MARCHF1: variants seen among roughly 807,000 people sequenced by gnomAD.
The protein encoded by MARCHF1 is E3 ubiquitin-protein ligase MARCHF1.
MARCHF1 carries 40 observed loss-of-function variants against 54.2 expected under a neutral mutation model. The ratio of observed to expected loss-of-function variants is 0.74; its 90% CI spans 0.57 to 0.96. MARCHF1 has a LOEUF of 0.96. MARCHF1 is among the 40% of genes least tolerant of loss of function. The probability of loss-of-function intolerance (pLI) is 0.00; values close to 1 mark genes in which losing one functional copy is unlikely to be tolerated. For synonymous variants in MARCHF1, 236 were observed against 236.3 expected, an observed-to-expected ratio of 1.00 and a Z score of 0.01; for missense variants, 586 against 656.5, an observed-to-expected ratio of 0.89 and a Z score of 1.17.
At chr4:164,257,410 G>A (rs951115104) in intron 1 of MARCHF1, among the ~76,000 whole-genome samples, 5 of 151,692 alleles carry the variant, frequency 3.3e-5, no homozygotes, top group African/African-American at 9.7e-5. Flanking sequence ...TATATTGGAG[G>A]CCAAACCATA....
At chr4:164,243,441 C>A (rs1266502969) in intron 1 of MARCHF1, among the ~76,000 whole-genome samples, 1 of 151,724 alleles carries the variant, frequency 6.6e-6, no homozygotes, top group Non-Finnish European at 1.5e-5. Context: ...GAGATTTTGT[C>A]ACCACCAGGA....
chr4:164,004,794 A>T (rs1753254245), intron 2 of MARCHF1, among the ~76,000 whole-genome samples: 1 of 152,068 alleles, frequency 6.6e-6, no homozygotes, highest in Non-Finnish European at 1.5e-5. Flanking sequence ...ATTGGGAAAT[A>T]AATAAAAATA....
At chr4:163,711,098 G>T (rs1745093154) in intron 4 of MARCHF1, among the ~76,000 whole-genome samples, 1 of 151,618 alleles carries the variant, frequency 6.6e-6, no homozygotes, top group Non-Finnish European at 1.5e-5. Flanking sequence ...TTTTGTAAAT[G>T]ACGTGTAATT....
At chr4:164,164,119 T>C (rs1213860897) in intron 1 of MARCHF1, among the ~76,000 whole-genome samples, 1 of 151,880 alleles carries the variant, frequency 6.6e-6, no homozygotes, top group Non-Finnish European at 1.5e-5. Context: ...AACATCTATA[T>C]TAGGAAAAGG....
chr4:164,047,552 A>G (rs1754267679), intron 2 of MARCHF1, among the ~76,000 whole-genome samples: 1 of 152,206 alleles, frequency 6.6e-6, no homozygotes, highest in Admixed American at 6.5e-5. Flanking sequence ...ATGCATCCCA[A>G]TGTAATTTTG....
intron 4 of MARCHF1, among the ~76,000 whole-genome samples, chr4:163,725,021 C>G (rs529245194): frequency 6.2e-4 from 94 of 152,182 alleles, no homozygotes; most frequent in Non-Finnish European, 1.2e-3. Flanking sequence ...TGTCCTGCCC[C>G]CACTGTCCAA....
At chr4:164,267,623 C>G (rs2111298172) in intron 1 of MARCHF1, among the ~76,000 whole-genome samples, 1 of 152,200 alleles carries the variant, frequency 6.6e-6, no homozygotes, top group Non-Finnish European at 1.5e-5. Flanking sequence ...TTAAGATGAC[C>G]ATAGCATCAG....
In MARCHF1 at chr4:163,669,601, C is replaced by CT. The variant is rs11338534; in HGVS notation, c.162+31211dup. 4.7e-3 allele frequency among the ~76,000 whole-genome samples: 668 copies of CT among 141,684 alleles called. 6 individuals are homozygous for CT. Among genetic ancestry groups the CT allele is most frequent in the East Asian group, 4.3e-3 (21 of 4,856 alleles). The allele number at this position is 141,684 out of a possible 152,430, so 93.0% of individuals were successfully genotyped here. On this transcript the variant is annotated intron_variant, in intron 5 of 9. Transcript: ENST00000514618. ...CTTTTGAGATGTTTGAGATGTTTAT[C>CT]TTTTTTTTTTTTTTTGAGATGGAGT...
chr4:163,885,969 C>T (rs1481698295), intron 3 of MARCHF1, among the ~76,000 whole-genome samples: 1 of 147,146 alleles, frequency 6.8e-6, no homozygotes, highest in Non-Finnish European at 1.5e-5. Flanking sequence ...GTATCTATCT[C>T]TCTATATATA....
intron 8 of MARCHF1, among the ~76,000 whole-genome samples, chr4:163,567,477 C>G (rs920326082): frequency 2.0e-5 from 3 of 152,176 alleles, no homozygotes; most frequent in African/African-American, 7.2e-5. Flanking sequence ...TGTCCTCACC[C>G]AAATCTCATC....
At chr4:163,701,940 A>ATT (rs1744821164) in intron 4 of MARCHF1, among the ~76,000 whole-genome samples, 2 of 152,062 alleles carry the variant, frequency 1.3e-5, no homozygotes, top group African/African-American at 4.8e-5. Flanking sequence ...TGTTATAACA[A>ATT]CCCGTGGGGC....
In MARCHF1 at chr4:164,176,972, C is replaced by CCA. The variant is rs1553989364; in HGVS notation, c.-322-65311_-322-65310insTG. ...TCTCTCTCTCTCTCTCTCTCTCTCT[C>CCA]TCTCTCTCTATATATATATATATAT... On this transcript the variant is annotated intron_variant, in intron 1 of 9. Coordinates refer to ENST00000514618, the MANE Select transcript of MARCHF1 (RefSeq NM_001394959.1). Among the ~76,000 whole-genome samples the CCA allele has an allele frequency of 2.1e-4, 12 of 56,812 alleles. 1 individual carries two copies. Among genetic ancestry groups the CCA allele is most frequent in the Non-Finnish European group, 2.5e-4 (8 of 32,232 alleles). The allele number at this position is 56,812 out of a possible 152,430, so 37.3% of individuals were successfully genotyped here.
chr4:164,086,605 A>T (rs1242067102), intron 2 of MARCHF1, among the ~76,000 whole-genome samples: 1 of 152,028 alleles, frequency 6.6e-6, no homozygotes, highest in Non-Finnish European at 1.5e-5. Context: ...TGGTAGGACC[A>T]CATATCCAAA....
intron 1 of MARCHF1, chr4:164,197,684 C>G: frequency 6.2e-7 from 1 of 1,612,512 alleles, no homozygotes; most frequent in South Asian, 1.1e-5. Flanking sequence ...TTCCGCAGCT[C>G]TGAATGAATC....
At chr4:164,298,116 T>A (rs1734458617) in intron 1 of MARCHF1, among the ~76,000 whole-genome samples, 1 of 152,142 alleles carries the variant, frequency 6.6e-6, no homozygotes, top group African/African-American at 2.4e-5. Context: ...TGAGCTTCAT[T>A]GCAATTTTTA....
intron 5 of MARCHF1, among the ~76,000 whole-genome samples, chr4:163,645,577 T>C (rs1417293793): frequency 6.6e-6 from 1 of 152,122 alleles, no homozygotes; most frequent in East Asian, 1.9e-4. Flanking sequence ...ATCATCTTAA[T>C]GAAGCTCAAT....
At chr4:163,998,333 C>G (rs1753119998) in intron 2 of MARCHF1, among the ~76,000 whole-genome samples, 1 of 151,300 alleles carries the variant, frequency 6.6e-6, no homozygotes, top group Non-Finnish European at 1.5e-5. Flanking sequence ...TCTTTCAATA[C>G]TCTAAAGCAG....
At chr4:164,334,673 T>A (rs1729682842) in intron 1 of MARCHF1, among the ~76,000 whole-genome samples, 1 of 152,188 alleles carries the variant, frequency 6.6e-6, no homozygotes, top group South Asian at 2.1e-4. Context: ...AAGGAATAAT[T>A]TTGATTTCAA....
chr4:164,112,704 G>A (rs1457833974), intron 1 of MARCHF1, among the ~76,000 whole-genome samples: 1 of 151,820 alleles, frequency 6.6e-6, no homozygotes, highest in Non-Finnish European at 1.5e-5. Context: ...ACCACATAAG[G>A]TGAGAAAACT....
Sources: allele counts gnomAD v4.1 joint callset (sites outside exome capture counted in the v4.1 genomes callset), GRCh38; gene constraint gnomAD v4.1.1; transcripts MANE v1.5; gene names NCBI Gene and HGNC (gene_info 2026-07-23, HGNC 2026-07-21).